ITPR1: variants seen among roughly 807,000 people sequenced by gnomAD.
ITPR1 encodes inositol 1,4,5-trisphosphate-gated calcium channel ITPR1.
ITPR1 carries 96 observed loss-of-function variants against 318.4 expected under a neutral mutation model. The ratio of observed to expected loss-of-function variants is 0.30; its 90% CI spans 0.26 to 0.36. The LOEUF (loss-of-function observed/expected upper bound fraction) is 0.36, where lower values mean the gene tolerates loss of function less well. ITPR1 is among the 10% of genes least tolerant of loss of function. The probability of loss-of-function intolerance (pLI) is 1.00; values close to 1 mark genes in which losing one functional copy is unlikely to be tolerated. For missense variants in ITPR1, 2,440 were observed against 3,460.2 expected (o/e 0.71, Z 7.40); for synonymous variants, 1,312 against 1,289.9 (o/e 1.02, Z -0.37).
At chr3:4,644,324 TCAG>T in intron 8 of ITPR1, 90 bp downstream of exon 8, 1 of 841,724 alleles carries the variant, frequency 1.2e-6, no homozygotes, top group Non-Finnish European at 1.9e-6. Context: ...GAGAGTGACT[TCAG>T]CAGTGACTTG....
chr3:4,556,480 C>A (rs994348248), intron 4 of ITPR1, among the ~76,000 whole-genome samples: 3 of 152,040 alleles, frequency 2.0e-5, no homozygotes, highest in Non-Finnish European at 2.9e-5. Context: ...TTCCCTCCCC[C>A]CAACCCCTGG....
At chr3:4,751,321 C>T (rs2044496509) in intron 44 of ITPR1, 1 of 152,142 alleles carries the variant, frequency 6.6e-6, no homozygotes. Flanking sequence ...CCATCAGATT[C>T]TCAGCAGGGA....
At chr3:4,715,779 G>A (rs974927478) in intron 39 of ITPR1, among the ~76,000 whole-genome samples, 2 of 152,176 alleles carry the variant, frequency 1.3e-5, no homozygotes, top group African/African-American at 4.8e-5. Flanking sequence ...CTTGAACCCA[G>A]GAGGTGGAGG....
chr3:4,739,677 T>A (rs1243676368), intron 44 of ITPR1, among the ~76,000 whole-genome samples: 2 of 152,332 alleles, frequency 1.3e-5, no homozygotes, highest in Middle Eastern at 3.4e-3. Context: ...TGTCACTGAA[T>A]AACCACCTAA....
intron 40 of ITPR1, among the ~76,000 whole-genome samples, chr3:4,723,034 G>A (rs1297769052): frequency 1.3e-5 from 2 of 152,190 alleles, no homozygotes; most frequent in Non-Finnish European, 2.9e-5. Context: ...TGTAGTCCCA[G>A]CTACTCAGGA....
intron 46 of ITPR1, among the ~76,000 whole-genome samples, chr3:4,773,069 A>G (rs1294695865): frequency 6.6e-6 from 1 of 152,262 alleles, no homozygotes; most frequent in Non-Finnish European, 1.5e-5. Flanking sequence ...AGCGCTGTCA[A>G]CGTGGTCCTT....
chr3:4,559,592 C>G (rs1284478467), intron 4 of ITPR1, among the ~76,000 whole-genome samples: 1 of 152,134 alleles, frequency 6.6e-6, no homozygotes, highest in Non-Finnish European at 1.5e-5. Flanking sequence ...ATTTTTTAGT[C>G]TAATCAGAGA....
intron 4 of ITPR1, among the ~76,000 whole-genome samples, chr3:4,600,062 G>C (rs1559513266): frequency 6.6e-6 from 1 of 152,146 alleles, no homozygotes; most frequent in Non-Finnish European, 1.5e-5. Flanking sequence ...ATGTACAAAT[G>C]GAATTGTACA....
intron 2 of ITPR1, among the ~76,000 whole-genome samples, chr3:4,514,995 C>G (rs1211735683): frequency 6.6e-6 from 1 of 152,172 alleles, no homozygotes; most frequent in Non-Finnish European, 1.5e-5. Context: ...CCCTCAAGGT[C>G]TAGAGATGCT....
intron 48 of ITPR1, among the ~76,000 whole-genome samples, chr3:4,778,326 T>G (rs1298355746): frequency 1.3e-5 from 2 of 152,240 alleles, no homozygotes; most frequent in African/African-American, 4.8e-5. Context: ...ATGTTGAGAT[T>G]TGTCCTCTAT....
In ITPR1 at chr3:4,688,746, G is replaced by A. The variant is rs928365401; in HGVS notation, c.3828+126G>A. On this transcript the variant is annotated intron_variant, in intron 31 of 61. Transcript: ENST00000649015. ...TTATAATGCAACATTCATTCCAAAG[G>A]GGAACATTTTCATCACTTATCACGA... 5.1e-5 allele frequency: 46 copies of A among 895,086 alleles called. No homozygotes were observed. The Admixed American group carries it at 1.2e-3, about 24-fold the overall frequency. 55.4% of individuals were successfully genotyped at this position (895,086 alleles called of 1,614,324 possible).
At chr3:4,739,111 A>G (rs2043510963) in intron 44 of ITPR1, among the ~76,000 whole-genome samples, 1 of 152,228 alleles carries the variant, frequency 6.6e-6, no homozygotes, top group Non-Finnish European at 1.5e-5. Flanking sequence ...GGGCCAGTTA[A>G]GGACAGGAAC....
chr3:4,727,918 C>T lies in ITPR1; in HGVS notation c.5220+745C>T, dbSNP rs954034489. 2.6e-5 allele frequency among the ~76,000 whole-genome samples: 4 copies of T among 152,196 alleles called. No homozygotes were observed. In the South Asian group the frequency reaches 6.2e-4, roughly 24 times the overall value. ...TTTCCTTCTACCTATTTTTTATACA[C>T]ATGAGCACATGTGCCAACAGACACA... On this transcript the variant is annotated intron_variant, in intron 42 of 61. Coordinates refer to ENST00000649015, the MANE Select transcript of ITPR1 (RefSeq NM_001378452.1).
At chr3:4,555,415 A>G (rs2086024783) in intron 4 of ITPR1, among the ~76,000 whole-genome samples, 1 of 152,258 alleles carries the variant, frequency 6.6e-6, no homozygotes, top group Admixed American at 6.5e-5. Context: ...GGCGTATATT[A>G]AAACATACAT....
intron 60 of ITPR1, among the ~76,000 whole-genome samples, chr3:4,824,485 G>A (rs902110034): frequency 2.4e-4 from 37 of 152,076 alleles, no homozygotes; most frequent in Non-Finnish European, 5.0e-4. Context: ...CCACATATCC[G>A]CATGTGGTTA....
intron 18 of ITPR1, among the ~76,000 whole-genome samples, chr3:4,668,463 A>T (rs1162637183): frequency 6.7e-5 from 10 of 149,470 alleles, no homozygotes; most frequent in African/African-American, 1.5e-4. Flanking sequence ...CACTCTTTTC[A>T]TTCCCTTTTT....
chr3:4,714,094 G>T (rs1199901918), intron 39 of ITPR1, among the ~76,000 whole-genome samples: 1 of 152,214 alleles, frequency 6.6e-6, no homozygotes, highest in Non-Finnish European at 1.5e-5. Context: ...TATTCACTTT[G>T]TCTGTCTCAC....
intron 4 of ITPR1, among the ~76,000 whole-genome samples, chr3:4,578,025 G>A (rs772174616): frequency 6.6e-6 from 1 of 152,276 alleles, no homozygotes; most frequent in Non-Finnish European, 1.5e-5. Flanking sequence ...ACCAGTGCCA[G>A]TGAAACTGTG....
chr3:4,787,620 C>G (rs2047286774), intron 51 of ITPR1, among the ~76,000 whole-genome samples: 1 of 150,498 alleles, frequency 6.6e-6, no homozygotes, highest in African/African-American at 2.4e-5. Flanking sequence ...ATCACTTAAA[C>G]CCAGGAGGCA....
Sources: allele counts gnomAD v4.1 joint callset (sites outside exome capture counted in the v4.1 genomes callset), GRCh38; gene constraint gnomAD v4.1.1; transcripts MANE v1.5; gene names NCBI Gene and HGNC (gene_info 2026-07-23, HGNC 2026-07-21).